The following C8orf34 variants were observed in gnomAD, a reference collection of about 807,000 sequenced individuals.
C8orf34 encodes chromosome 8 open reading frame 34.
C8orf34 carries 65 observed loss-of-function variants against 68.3 expected under a neutral mutation model. The observed-to-expected ratio is 0.95, with a 90% CI of 0.78 to 1.17. C8orf34 has a LOEUF of 1.17. Among genes scored for constraint, C8orf34 ranks in the 50% most tolerant of loss-of-function variants. C8orf34 has a pLI of 0.00. For missense variants in C8orf34, 664 were observed against 655.4 expected, an observed-to-expected ratio of 1.01 and a Z score of -0.14; for synonymous variants, 244 against 241.2, an observed-to-expected ratio of 1.01 and a Z score of -0.11.
intron 1 of C8orf34, among the ~76,000 whole-genome samples, chr8:68,418,920 G>T (rs891380269): frequency 7.3e-5 from 11 of 150,160 alleles, no homozygotes; most frequent in Admixed American, 2.7e-4. Flanking sequence ...CATAGGCATG[G>T]GCAAGGACTT....
At chr8:68,675,592 AT>A (rs1396172150) in intron 8 of C8orf34, among the ~76,000 whole-genome samples, 1 of 151,994 alleles carries the variant, frequency 6.6e-6, no homozygotes, top group African/African-American at 2.4e-5. Flanking sequence ...CACACAAAAT[AT>A]AAAAAGCAAG....
At chr8:68,673,703 T>C (rs965205819) in intron 8 of C8orf34, among the ~76,000 whole-genome samples, 2 of 152,060 alleles carry the variant, frequency 1.3e-5, no homozygotes, top group Non-Finnish European at 2.9e-5. Context: ...GGACTGGCAG[T>C]AACTCATCAC....
At chr8:68,394,193 T>C (rs1482449343) in intron 1 of C8orf34, among the ~76,000 whole-genome samples, 2 of 150,902 alleles carry the variant, frequency 1.3e-5, no homozygotes, top group Non-Finnish European at 3.0e-5. Context: ...ACCCACTAAC[T>C]CGTCATCTAA....
At chr8:68,760,492 G>A (rs1485285735) in intron 10 of C8orf34, among the ~76,000 whole-genome samples, 3 of 152,136 alleles carry the variant, frequency 2.0e-5, no homozygotes, top group Non-Finnish European at 4.4e-5. Context: ...GTTGAATAAT[G>A]TGTTTATATT....
rs545797398 is a variant in C8orf34 at position 68,463,713 on chromosome 8, C to G, written c.608-4979C>G. On this transcript the variant is annotated intron_variant, in intron 3 of 13. Transcript: ENST00000518698. ...AACCACATGATTATCTCAATAGATG[C>G]AGAAAAGGCCTTTGAAAAAATTCAA... Among the ~76,000 whole-genome samples, 19 of 152,246 alleles carry G rather than the reference C, an allele frequency of 1.2e-4. No individual in the cohort carries two copies. The East Asian group carries it at 3.7e-3, about 29-fold the overall frequency.
chr8:68,664,039 T>C (rs1389002306), intron 8 of C8orf34, among the ~76,000 whole-genome samples: 5 of 152,144 alleles, frequency 3.3e-5, no homozygotes, highest in African/African-American at 1.2e-4. Context: ...TTTAGGCCTC[T>C]TTTGTTACTG....
At chr8:68,390,407 A>C (rs576868484) in intron 1 of C8orf34, among the ~76,000 whole-genome samples, 2 of 152,300 alleles carry the variant, frequency 1.3e-5, no homozygotes, top group Non-Finnish European at 2.9e-5. Flanking sequence ...TATATCATAA[A>C]GGGGTCAAGA....
intron 3 of C8orf34, among the ~76,000 whole-genome samples, chr8:68,465,776 G>T (rs1812094285): frequency 7.1e-6 from 1 of 140,980 alleles, no homozygotes; most frequent in Non-Finnish European, 1.5e-5. Context: ...ACAGGAAGGG[G>T]AACATCACAC....
At chr8:68,465,842 C>G (rs1001820950) in intron 3 of C8orf34, among the ~76,000 whole-genome samples, 9 of 151,662 alleles carry the variant, frequency 5.9e-5, no homozygotes, top group Non-Finnish European at 1.3e-4. Context: ...AGGAGATATA[C>G]CTAATGCTAA....
chr8:68,635,627 A>G (rs1164357874), intron 7 of C8orf34, among the ~76,000 whole-genome samples: 1 of 152,232 alleles, frequency 6.6e-6, no homozygotes, highest in African/African-American at 2.4e-5. Context: ...GGATTAAGCC[A>G]TTTAGTACAA....
At chr8:68,643,529 G>A (rs1043072289) in intron 8 of C8orf34, among the ~76,000 whole-genome samples, 1 of 152,192 alleles carries the variant, frequency 6.6e-6, no homozygotes, top group African/African-American at 2.4e-5. Context: ...TCAGGAGACT[G>A]AGAAGTCCAA....
Position 68,338,872 on chromosome 8 carries a change from A to G in C8orf34, c.327+7533A>G, listed in dbSNP as rs115365080. 7.9e-3 allele frequency among the ~76,000 whole-genome samples: 1,196 copies of G among 152,174 alleles called. 19 individuals carry two copies. Among genetic ancestry groups the G allele is most frequent in the African/African-American group, 0.026 (1,100 of 41,542 alleles). On this transcript the variant is annotated intron_variant, in intron 1 of 13. Transcript: ENST00000518698. ...TTCCATATCCTCACCTAATCTTGGT[A>G]TTGTCAGTCTTTTTAGCCAGAAACC...
chr8:68,448,669 A>G (rs1041977197), intron 3 of C8orf34, among the ~76,000 whole-genome samples: 1 of 152,174 alleles, frequency 6.6e-6, no homozygotes, highest in Non-Finnish European at 1.5e-5. Context: ...TTGGACACCA[A>G]TATTGTAAGT....
intron 8 of C8orf34, among the ~76,000 whole-genome samples, chr8:68,644,811 T>C (rs1020497876): frequency 2.0e-5 from 3 of 152,196 alleles, no homozygotes; most frequent in African/African-American, 7.2e-5. Context: ...AATTCAGTGC[T>C]GTAGATCAGA....
At chr8:68,773,466 T>A (rs1370508570) in intron 10 of C8orf34, among the ~76,000 whole-genome samples, 1 of 152,122 alleles carries the variant, frequency 6.6e-6, no homozygotes, top group Non-Finnish European at 1.5e-5. Flanking sequence ...AGTGGCATGA[T>A]CTCGGCTCAC....
intron 5 of C8orf34, among the ~76,000 whole-genome samples, chr8:68,508,105 C>G (rs535301479): frequency 6.6e-6 from 1 of 152,170 alleles, no homozygotes; most frequent in African/African-American, 2.4e-5. Flanking sequence ...AGATAAGAAA[C>G]TCATCCAGAC....
At chr8:68,786,223 C>G (rs756407617) in intron 11 of C8orf34, among the ~76,000 whole-genome samples, 2 of 152,104 alleles carry the variant, frequency 1.3e-5, no homozygotes, top group Non-Finnish European at 2.9e-5. Flanking sequence ...TGAGTCGTGG[C>G]TCAATAAATT....
intron 7 of C8orf34, among the ~76,000 whole-genome samples, chr8:68,581,790 G>A (rs1817072642): frequency 6.6e-6 from 1 of 152,056 alleles, no homozygotes; most frequent in Non-Finnish European, 1.5e-5. Flanking sequence ...TCTGTTGCAG[G>A]GGCAAGAATC....
At chr8:68,412,834 C>T (rs756927901) in intron 1 of C8orf34, among the ~76,000 whole-genome samples, 4 of 152,060 alleles carry the variant, frequency 2.6e-5, no homozygotes, top group East Asian at 1.9e-4. Context: ...AACGACTTTT[C>T]GACCCTACCT....
Sources: allele counts gnomAD v4.1 joint callset (sites outside exome capture counted in the v4.1 genomes callset), GRCh38; gene constraint gnomAD v4.1.1; transcripts MANE v1.5; gene names NCBI Gene and HGNC (gene_info 2026-07-23, HGNC 2026-07-21).